Variants in TMEM132C observed in about 807,000 individuals in gnomAD.
The protein encoded by TMEM132C is protein phosphatase 1, regulatory subunit 152.
A neutral mutation model predicts 61.4 loss-of-function variants in TMEM132C; 29 were observed. The observed-to-expected ratio is 0.47, with a 90% CI of 0.35 to 0.64. TMEM132C has a LOEUF of 0.64. Ranked by LOEUF, TMEM132C falls within the 30% of genes least tolerant of loss-of-function variation. The pLI, the probability that TMEM132C is intolerant of heterozygous loss-of-function variation, is 0.00. For missense variants in TMEM132C, 1,408 were observed against 1,476.9 expected, an observed-to-expected ratio of 0.95 and a Z score of 0.76; for synonymous variants, 656 against 633.1, an observed-to-expected ratio of 1.04 and a Z score of -0.54.
intron 2 of TMEM132C, among the ~76,000 whole-genome samples, chr12:128,524,324 T>TAAAC (rs1241824828): frequency 9.9e-5 from 15 of 152,270 alleles, no homozygotes; most frequent in Non-Finnish European, 1.6e-4. Flanking sequence ...AACGGTGGCA[T>TAAAC]AAACCATCTC....
intron 1 of TMEM132C, among the ~76,000 whole-genome samples, chr12:128,267,702 G>C (rs1870357361): frequency 6.6e-6 from 1 of 152,152 alleles, no homozygotes; most frequent in Non-Finnish European, 1.5e-5. Flanking sequence ...GGCTGGTCCC[G>C]AGTCCCGAAT....
At chr12:128,386,339 A>G (rs939084059) in intron 1 of TMEM132C, among the ~76,000 whole-genome samples, 8 of 152,178 alleles carry the variant, frequency 5.3e-5, no homozygotes, top group East Asian at 1.9e-4. Flanking sequence ...GGAAGGGCCA[A>G]CGCTTGCCTT....
rs530641603 is a variant in TMEM132C, at chr12:128,639,305, GTGA to G, written c.1305+22976_1305+22978del. Among the ~76,000 whole-genome samples, 7 of 150,470 alleles carry G rather than the reference GTGA, an allele frequency of 4.7e-5. No homozygotes were observed. The South Asian group carries it at 6.4e-4, about 14-fold the overall frequency. On this transcript the variant is annotated intron_variant, in intron 4 of 8. Transcript: ENST00000435159. The stretch of plus-strand genomic sequence containing the variant: ...AATGACAATGGTGATGATGATGATG[GTGA>G]TGATGGTATGATGGTGATGATGGTG...
intron 3 of TMEM132C, among the ~76,000 whole-genome samples, chr12:128,590,925 C>T (rs964180218): frequency 3.3e-5 from 5 of 152,208 alleles, no homozygotes; most frequent in African/African-American, 9.6e-5. Context: ...CACAGGTATG[C>T]ACTGCCACAC....
At chr12:128,356,585 G>C (rs561768370) in intron 1 of TMEM132C, among the ~76,000 whole-genome samples, 2 of 152,282 alleles carry the variant, frequency 1.3e-5, no homozygotes, top group South Asian at 4.2e-4. Context: ...AGAAGTAGGG[G>C]GCTCTGCATG....
chr12:128,578,301 G>A (rs1046456432), intron 3 of TMEM132C, among the ~76,000 whole-genome samples: 3 of 152,142 alleles, frequency 2.0e-5, no homozygotes, highest in African/African-American at 4.8e-5. Flanking sequence ...GCAGGCTGCC[G>A]GCCCCACCTC....
chr12:128,522,007 C>T (rs1016643748), intron 2 of TMEM132C, among the ~76,000 whole-genome samples: 5 of 152,072 alleles, frequency 3.3e-5, no homozygotes, highest in African/African-American at 9.7e-5. Flanking sequence ...GGTCTTTGTT[C>T]AGTGATTCCC....
At chr12:128,521,471 C>A (rs891516926) in intron 2 of TMEM132C, among the ~76,000 whole-genome samples, 8 of 138,986 alleles carry the variant, frequency 5.8e-5, no homozygotes, top group Non-Finnish European at 1.6e-5. Flanking sequence ...CACCCCCCAA[C>A]AGGCCCCGGT....
chr12:128,551,264 G>C (rs1472720839), intron 3 of TMEM132C, among the ~76,000 whole-genome samples: 1 of 151,528 alleles, frequency 6.6e-6, no homozygotes, highest in Non-Finnish European at 1.5e-5. Context: ...CGGGGAGAGA[G>C]CATTTGTTAG....
chr12:128,337,765 T>G (rs1282281279), intron 1 of TMEM132C, among the ~76,000 whole-genome samples: 3 of 152,226 alleles, frequency 2.0e-5, no homozygotes, highest in African/African-American at 7.2e-5. Flanking sequence ...ATAGCACTCC[T>G]TCTCATATTT....
At chr12:128,517,686 T>G (rs900210461) in intron 2 of TMEM132C, among the ~76,000 whole-genome samples, 16 of 152,126 alleles carry the variant, frequency 1.1e-4, no homozygotes, top group African/African-American at 3.9e-4. Flanking sequence ...CATAATAAAT[T>G]TGGGGGTATC....
At chr12:128,548,186 G>GC (rs1281847728) in intron 3 of TMEM132C, among the ~76,000 whole-genome samples, 1 of 152,134 alleles carries the variant, frequency 6.6e-6, no homozygotes, top group Non-Finnish European at 1.5e-5. Context: ...GGCACCAAGG[G>GC]CCCCCCAATC....
intron 1 of TMEM132C, among the ~76,000 whole-genome samples, chr12:128,411,187 G>A (rs950617298): frequency 4.6e-5 from 7 of 152,104 alleles, no homozygotes; most frequent in African/African-American, 9.7e-5. Flanking sequence ...TTTCTCCACC[G>A]AAACCTACCT....
intron 2 of TMEM132C, among the ~76,000 whole-genome samples, chr12:128,522,587 G>A (rs1010331455): frequency 2.6e-5 from 4 of 152,130 alleles, no homozygotes; most frequent in Admixed American, 2.0e-4. Context: ...TTTACGTGGC[G>A]ATATCTTGTT....
intron 1 of TMEM132C, among the ~76,000 whole-genome samples, chr12:128,332,728 T>C (rs1298134592): frequency 2.6e-5 from 4 of 152,240 alleles, no homozygotes; most frequent in Admixed American, 2.0e-4. Context: ...GTGTGTCCAC[T>C]GTGGACCTGA....
At chr12:128,363,064 C>T (rs1026750648) in intron 1 of TMEM132C, among the ~76,000 whole-genome samples, 17 of 152,192 alleles carry the variant, frequency 1.1e-4, no homozygotes, top group East Asian at 1.9e-4. Flanking sequence ...GCCTTCTTTA[C>T]GATTGAGCTA....
At chr12:128,293,326 G>T (rs888400350) in intron 1 of TMEM132C, among the ~76,000 whole-genome samples, 3 of 152,104 alleles carry the variant, frequency 2.0e-5, no homozygotes, top group Non-Finnish European at 2.9e-5. Flanking sequence ...TTTTGTCATG[G>T]TTAATAAAAG....
At chr12:128,355,499 A>T (rs1455055910) in intron 1 of TMEM132C, among the ~76,000 whole-genome samples, 1 of 152,024 alleles carries the variant, frequency 6.6e-6, no homozygotes, top group Non-Finnish European at 1.5e-5. Context: ...TGGCTGCCGT[A>T]AACTCTGCCC....
chr12:128,624,561 A>G (rs554437074), intron 4 of TMEM132C, among the ~76,000 whole-genome samples: 1 of 151,234 alleles, frequency 6.6e-6, no homozygotes. Flanking sequence ...AAAAAAAAAA[A>G]AAAAAAGGAA....
Sources: gnomAD v4.1 joint callset for allele counts (sites outside exome capture counted in the v4.1 genomes callset) on GRCh38, gnomAD v4.1.1 for gene constraint, MANE v1.5 for transcripts, NCBI Gene and HGNC (gene_info 2026-07-23, HGNC 2026-07-21) for gene names.